Variants in LRRC4C observed in about 807,000 individuals in gnomAD.
LRRC4C encodes the protein leucine-rich repeat-containing protein 4C.
Under a neutral mutation model 33.6 loss-of-function variants are expected in LRRC4C, and 5 were observed. That is an observed-to-expected ratio of 0.15 (90% CI 0.08 to 0.31). The LOEUF is 0.31. Ranked by LOEUF, LRRC4C falls within the 10% of genes least tolerant of loss-of-function variation. The pLI is 1.00. For synonymous variants in LRRC4C, 329 were observed against 302.0 expected (o/e 1.09, Z -0.93); for missense variants, 560 against 796.7 (o/e 0.70, Z 3.58).
At chr11:40,949,788 C>T (rs1424193233) in intron 1 of LRRC4C, among the ~76,000 whole-genome samples, 4 of 151,872 alleles carry the variant, frequency 2.6e-5, no homozygotes, top group Non-Finnish European at 4.4e-5. Flanking sequence ...ACCATTGAGA[C>T]TAGGAAGAAA....
intron 1 of LRRC4C, among the ~76,000 whole-genome samples, chr11:41,145,519 T>C (rs1463413394): frequency 8.3e-6 from 1 of 119,900 alleles, no homozygotes; most frequent in Non-Finnish European, 2.0e-5. Flanking sequence ...ATATTGCCTA[T>C]GGCTGCTTTT....
chr11:41,139,225 C>T (rs1431137324), intron 1 of LRRC4C, among the ~76,000 whole-genome samples: 2 of 152,066 alleles, frequency 1.3e-5, no homozygotes, highest in Non-Finnish European at 2.9e-5. Context: ...TTAAGAATAA[C>T]AACCAATGGG....
At chr11:40,606,004 A>T (rs1349955048) in intron 3 of LRRC4C, among the ~76,000 whole-genome samples, 1 of 152,164 alleles carries the variant, frequency 6.6e-6, no homozygotes, top group East Asian at 1.9e-4. Flanking sequence ...GAAAGAGTTG[A>T]GTGGCTCGTG....
chr11:41,017,743 T>C (rs973408272), intron 1 of LRRC4C, among the ~76,000 whole-genome samples: 1 of 150,456 alleles, frequency 6.6e-6, no homozygotes, highest in Non-Finnish European at 1.5e-5. Flanking sequence ...TAGAATAATC[T>C]TTATACTCAA....
At chr11:41,224,929 G>A (rs990808786) in intron 1 of LRRC4C, among the ~76,000 whole-genome samples, 1 of 152,158 alleles carries the variant, frequency 6.6e-6, no homozygotes, top group Non-Finnish European at 1.5e-5. Context: ...TATATGCAAT[G>A]GAGTACTATT....
At chr11:40,506,579 T>C (rs1330684521) in intron 3 of LRRC4C, among the ~76,000 whole-genome samples, 1 of 152,158 alleles carries the variant, frequency 6.6e-6, no homozygotes, top group Non-Finnish European at 1.5e-5. Flanking sequence ...ATATTTGCTC[T>C]CTTCTATTTT....
intron 1 of LRRC4C, among the ~76,000 whole-genome samples, chr11:40,941,285 A>G (rs1296473601): frequency 6.6e-6 from 1 of 152,150 alleles, no homozygotes; most frequent in Non-Finnish European, 1.5e-5. Flanking sequence ...AACATTCTAC[A>G]TCCCACTCCT....
intron 1 of LRRC4C, among the ~76,000 whole-genome samples, chr11:41,026,680 C>T (rs1033586992): frequency 7.3e-5 from 11 of 151,192 alleles, no homozygotes; most frequent in Non-Finnish European, 7.4e-5. Flanking sequence ...ATACCCCAAC[C>T]TTCAGCAACT....
intron 3 of LRRC4C, among the ~76,000 whole-genome samples, chr11:40,489,387 C>T (rs895897045): frequency 6.6e-6 from 1 of 152,056 alleles, no homozygotes; most frequent in Non-Finnish European, 1.5e-5. Flanking sequence ...CTTTAGATGA[C>T]CACTTTCATA....
At chr11:40,257,824 C>T (rs888133529) in intron 4 of LRRC4C, among the ~76,000 whole-genome samples, 1 of 152,110 alleles carries the variant, frequency 6.6e-6, no homozygotes, top group Non-Finnish European at 1.5e-5. Context: ...GATGGAAAGA[C>T]GTTTGTTCTT....
intron 3 of LRRC4C, among the ~76,000 whole-genome samples, chr11:40,631,804 A>G (rs1963502349): frequency 6.6e-6 from 1 of 152,204 alleles, no homozygotes; most frequent in South Asian, 2.1e-4. Context: ...CAAATCATGC[A>G]TGTAAGGCAT....
chr11:40,489,387 C>A (rs895897045), intron 3 of LRRC4C, among the ~76,000 whole-genome samples: 13 of 152,056 alleles, frequency 8.5e-5, no homozygotes, highest in Non-Finnish European at 1.6e-4. Context: ...CTTTAGATGA[C>A]CACTTTCATA....
rs1338890126 is a variant in LRRC4C, at chr11:41,374,390, T to C, written c.-496+85041A>G. Among the ~76,000 whole-genome samples the C allele has an allele frequency of 2.0e-5, 3 of 152,132 alleles. No homozygotes were observed. The South Asian group carries it at 6.2e-4, about 31-fold the overall frequency. ...AGAAAAATTAAAAAAAAACTTTTGT[T>C]CCAAGTGTTTAAATTGAATTTACTC... On this transcript the variant is annotated intron_variant, in intron 1 of 6. Transcript: ENST00000528697.
intron 3 of LRRC4C, among the ~76,000 whole-genome samples, chr11:40,535,287 C>T (rs1293938297): frequency 6.6e-6 from 1 of 152,072 alleles, no homozygotes; most frequent in Non-Finnish European, 1.5e-5. Context: ...AGGTAGCATT[C>T]GATCTGCAAT....
intron 4 of LRRC4C, among the ~76,000 whole-genome samples, chr11:40,297,546 T>G (rs1192531554): frequency 6.6e-6 from 1 of 152,174 alleles, no homozygotes; most frequent in African/African-American, 2.4e-5. Flanking sequence ...TCTTGAAATA[T>G]AGATAAAAGG....
chr11:40,532,615 T>C (rs1956314543), intron 3 of LRRC4C, among the ~76,000 whole-genome samples: 1 of 150,748 alleles, frequency 6.6e-6, no homozygotes, highest in Middle Eastern at 3.2e-3. Context: ...GGGTATAAGA[T>C]GAAAAACAGT....
At chr11:40,838,559 G>T (rs1452322102) in intron 2 of LRRC4C, among the ~76,000 whole-genome samples, 1 of 151,996 alleles carries the variant, frequency 6.6e-6, no homozygotes, top group Non-Finnish European at 1.5e-5. Flanking sequence ...CTTGCTATGT[G>T]CATAAATTCT....
chr11:40,778,027 T>G (rs1950077058), intron 2 of LRRC4C, among the ~76,000 whole-genome samples: 1 of 152,170 alleles, frequency 6.6e-6, no homozygotes, highest in Admixed American at 6.5e-5. Flanking sequence ...ACCCTGTACC[T>G]TTTAAGTAGG....
At chr11:41,384,156 A>C (rs1953263630) in intron 1 of LRRC4C, among the ~76,000 whole-genome samples, 1 of 151,966 alleles carries the variant, frequency 6.6e-6, no homozygotes, top group African/African-American at 2.4e-5. Context: ...AGATTCTTGA[A>C]GGTAACAGTG....
Sources: allele counts gnomAD v4.1 joint callset (sites outside exome capture counted in the v4.1 genomes callset), GRCh38; gene constraint gnomAD v4.1.1; transcripts MANE v1.5; gene names NCBI Gene and HGNC (gene_info 2026-07-23, HGNC 2026-07-21).